Variants in TAS1R2 observed in about 807,000 individuals in gnomAD.
TAS1R2 encodes the protein taste 1 receptor member 2, also known as taste receptor type 1 member 2.
A neutral mutation model predicts 49.3 loss-of-function variants in TAS1R2; 47 were observed. The ratio of observed to expected loss-of-function variants is 0.95; its 90% CI spans 0.75 to 1.22. The LOEUF (loss-of-function observed/expected upper bound fraction) is 1.22, where lower values mean the gene tolerates loss of function less well. Among genes scored for constraint, TAS1R2 ranks in the 50% most tolerant of loss-of-function variants. The pLI is 0.00. For synonymous variants in TAS1R2, 479 were observed against 467.9 expected (o/e 1.02, Z -0.31); for missense variants, 1,155 against 1,122.1 (o/e 1.03, Z -0.42).
chr1:18,851,624 C>T lies in TAS1R2; in HGVS notation c.1258-2074G>A, dbSNP rs562518129. ...GATTACAGGTGTGAGCCACCGCACC[C>T]GGCCAACCTGCTGAACAGTTTTGCT... On this transcript the variant is annotated intron_variant, in intron 3 of 5. Coordinates refer to ENST00000375371, the Ensembl canonical transcript of TAS1R2. Among the ~76,000 whole-genome samples, 103 of 152,280 alleles carry T rather than the reference C, an allele frequency of 6.8e-4. 1 individual carries two copies. In the South Asian group the frequency reaches 7.0e-3, roughly 10 times the overall value.
At chr1:18,857,552 G>A (rs764869881) in exon 2 of TAS1R2, 13 of 1,614,222 alleles carry the variant, frequency 8.1e-6, no homozygotes, top group Non-Finnish European at 1.1e-5. Context: ...CCAGGCAGCA[G>A]GCTGCTGTCA....
chr1:18,854,967 C>A lies in TAS1R2; in HGVS notation c.503G>T (p.Ser168Ile), dbSNP rs747782391. 6.2e-7 allele frequency: 1 copy of A among 1,606,188 alleles called. No individual in the cohort carries two copies. Among genetic ancestry groups the A allele is most frequent in the East Asian group, 2.2e-5 (1 of 44,624 alleles). Reference sequence around the variant, plus strand: ...GCGCACCTTGTCTCGCAGCTCATCGCTGATGGCGCTGTAGGTGATCTGCAA... The same window carrying A: ...GCGCACCTTGTCTCGCAGCTCATCGATGATGGCGCTGTAGGTGATCTGCAA... The change falls in exon 3 of 6, where the codon AGC becomes ATC. Residue 168 changes from serine to isoleucine, a missense_variant. Transcript: ENST00000375371. This position sits in a 1 kb window ranked among gnomAD's most constrained non-coding sequence, Gnocchi z 4.9.
At chr1:18,841,058 T>C (rs1052298511) in intron 5 of TAS1R2, among the ~76,000 whole-genome samples, 1 of 152,262 alleles carries the variant, frequency 6.6e-6, no homozygotes, top group East Asian at 1.9e-4. Context: ...CTCTGTGTCC[T>C]GTGCTCTGCT....
In TAS1R2 at chr1:18,854,455, G is replaced by T; in HGVS notation, c.1015C>A (p.Arg339Ser). The change falls in exon 3 of 6, where the codon CGC becomes AGC. Residue 339 changes from arginine to serine, a missense_variant. By Grantham distance (110) the Arg-to-Ser change is moderately radical. Transcript: ENST00000375371. This position sits in a 1 kb window ranked among gnomAD's most constrained non-coding sequence, Gnocchi z 4.9. ...GGCCCAGCCTGTGGGCCCCACTCGC[G>T]GAACTCACTGAAGCCCGGGATGGGC... is the stretch of plus-strand genomic sequence containing the variant. 6.2e-7 allele frequency: 1 copy of T among 1,614,174 alleles called. No homozygotes were observed. The highest frequency in any genetic ancestry group is 8.5e-7 in the Non-Finnish European group (1 of 1,180,020).
chr1:18,858,127 T>TCAC (rs1299089571), intron 1 of TAS1R2, among the ~76,000 whole-genome samples: 1 of 150,776 alleles, frequency 6.6e-6, no homozygotes, highest in Non-Finnish European at 1.5e-5. Flanking sequence ...ATTTCCACCA[T>TCAC]CACCACCACC....
exon 6 of TAS1R2, chr1:18,839,706 G>A (rs1353521148): frequency 6.2e-7 from 1 of 1,614,254 alleles, no homozygotes; most frequent in South Asian, 1.1e-5. Flanking sequence ...AAGTAGCCCA[G>A]GCTGATGGCC....
intron 4 of TAS1R2, among the ~76,000 whole-genome samples, chr1:18,843,870 A>G (rs953107693): frequency 6.6e-6 from 1 of 152,256 alleles, no homozygotes; most frequent in Non-Finnish European, 1.5e-5. Context: ...ACAAGTCTTC[A>G]TATAAGGGAA....
In TAS1R2 at chr1:18,854,469, C is replaced by T; in HGVS notation, c.1001G>A (p.Gly334Asp). 1.9e-6 allele frequency: 3 copies of T among 1,614,152 alleles called. No individual in the cohort carries two copies. Among genetic ancestry groups the T allele is most frequent in the Non-Finnish European group, 2.5e-6 (3 of 1,180,028 alleles). Residue 334 changes from glycine (G) to aspartate (D), a missense_variant, in exon 3 of 6, where the codon GGC (glycine) becomes GAC (aspartate). Transcript: ENST00000375371. This position sits in a 1 kb window ranked among gnomAD's most constrained non-coding sequence, Gnocchi z 4.9. ...GCCCCACTCGCGGAACTCACTGAAG[C>T]CCGGGATGGGCACGCTCTGGATGGT...
intron 4 of TAS1R2, among the ~76,000 whole-genome samples, chr1:18,846,458 T>C (rs1225304775): frequency 6.6e-6 from 1 of 152,214 alleles, no homozygotes; most frequent in Non-Finnish European, 1.5e-5. Flanking sequence ...TTCCTGTCCA[T>C]GTATCATGTC....
At position 18,854,304 on chromosome 1, in the gene TAS1R2, T is replaced by C; in HGVS notation, c.1166A>G (p.Tyr389Cys). The C allele has an allele frequency of 6.2e-7, 1 of 1,613,952 alleles. No individual in the cohort carries two copies. The highest frequency in any genetic ancestry group is 8.5e-7 in the Non-Finnish European group (1 of 1,179,974). The stretch of plus-strand genomic sequence containing the variant: ...ATGGGCCACAGCATAGACCGCAGAG[T>C]ACACGCTGTAGACGACACGCTCCCC... The change falls in exon 3 of 6, where the codon TAC (tyrosine) becomes TGC (cysteine). Residue 389 changes from tyrosine to cysteine, a missense_variant. Tyr to Cys is a radical substitution (Grantham distance 194, BLOSUM62 -2). Transcript: ENST00000375371. This position sits in a 1 kb window ranked among gnomAD's most constrained non-coding sequence, Gnocchi z 4.9.
Position 18,849,396 on chromosome 1 carries a change from AG to A in TAS1R2, c.1411del (p.Leu471CysfsTer5), listed in dbSNP as rs2100515029. On this transcript the variant is annotated frameshift_variant, in exon 4 of 6. Transcript: ENST00000375371. LOFTEE classifies it high-confidence loss of function. ...TTGGATGTTCTTCAGCTGTCGCTGC[AG>A]GGGGTAGTAGGAGGCGACGCTCTGG... 1 of 1,614,182 alleles carries A rather than the reference AG, an allele frequency of 6.2e-7. No individual in the cohort carries two copies. The highest frequency in any genetic ancestry group is 8.5e-7 in the Non-Finnish European group (1 of 1,180,024).
At chr1:18,848,697 AG>A (rs1269794243) in intron 4 of TAS1R2, among the ~76,000 whole-genome samples, 3 of 152,168 alleles carry the variant, frequency 2.0e-5, no homozygotes, top group Admixed American at 2.0e-4. Flanking sequence ...AGATTCTCAT[AG>A]GAGCACAAAC....
At chr1:18,846,860 A>C (rs28582121) in intron 4 of TAS1R2, among the ~76,000 whole-genome samples, 3 of 151,842 alleles carry the variant, frequency 2.0e-5, no homozygotes, top group African/African-American at 2.4e-5. Flanking sequence ...TGATTGGATC[A>C]TGGGGATAGA....
intron 1 of TAS1R2, 109 bp downstream of exon 1, chr1:18,859,370 G>A (rs559715245): frequency 9.9e-6 from 13 of 1,307,888 alleles, no homozygotes; most frequent in Middle Eastern, 2.7e-4. Flanking sequence ...GAATGGGGAG[G>A]AGTGCTTTAA....
In TAS1R2 at chr1:18,854,276, G is replaced by A. The variant is rs1378177676; in HGVS notation, c.1194C>T (p.Ala398=). Residue 398 remains alanine (A), a synonymous_variant, in exon 3 of 6, where the codon GCC becomes GCT. Transcript: ENST00000375371. The surrounding 1 kb of genome is among the most constrained non-coding windows in gnomAD (Gnocchi z 4.9). ...TGTCACAGCCGAGGAGGCTGTGCAGGGCATGGGCCACAGCATAGACCGCAG... is the reference window on the plus strand; with the variant it reads ...TGTCACAGCCGAGGAGGCTGTGCAGAGCATGGGCCACAGCATAGACCGCAG... The A allele has an allele frequency of 1.2e-6, 2 of 1,614,084 alleles. No individual in the cohort carries two copies. Among genetic ancestry groups the A allele is most frequent in the Non-Finnish European group, 1.7e-6 (2 of 1,180,046 alleles).
intron 1 of TAS1R2, among the ~76,000 whole-genome samples, chr1:18,859,081 C>T (rs1360733988): frequency 2.6e-5 from 4 of 152,186 alleles, no homozygotes; most frequent in African/African-American, 9.7e-5. Flanking sequence ...GAACCTGCTA[C>T]AGAAAAATCA....
At position 18,854,548 on chromosome 1, in the gene TAS1R2, G is replaced by A. The variant is rs766628391; in HGVS notation, c.922C>T (p.Pro308Ser). 2 of 1,613,568 alleles carry A rather than the reference G, an allele frequency of 1.2e-6. No homozygotes were observed. Among genetic ancestry groups the A allele is most frequent in the Non-Finnish European group, 1.7e-6 (2 of 1,179,812 alleles). ...AGCTCCGTGAGGTTGTGCAGGACCG[G>A]GTCGATGGCCCAGGACTCGGAGGCG... The change falls in exon 3 of 6, where the codon CCG (proline) becomes TCG (serine). Residue 308 changes from proline (P) to serine (S), a missense_variant. Pro to Ser is a moderately conservative substitution (Grantham distance 74, BLOSUM62 -1). Coordinates refer to ENST00000375371, the Ensembl canonical transcript of TAS1R2. The surrounding 1 kb of genome is among the most constrained non-coding windows in gnomAD (Gnocchi z 4.9).
At position 18,857,314 on chromosome 1, in the gene TAS1R2, G is replaced by A. The variant is rs1377597254; in HGVS notation, c.483+17C>T. 6.2e-7 allele frequency: 1 copy of A among 1,606,728 alleles called. No homozygotes were observed. The highest frequency in any genetic ancestry group is 2.2e-5 in the East Asian group (1 of 44,716). On this transcript the variant is annotated intron_variant, in intron 2 of 5. Coordinates refer to ENST00000375371, the Ensembl canonical transcript of TAS1R2. The stretch of plus-strand genomic sequence containing the variant: ...GCCCCCCTCCCCAGGTCCTTCTCCA[G>A]GGCCCAGGGGCCTCACCTGTGGAAG...
At chr1:18,841,488 G>A (rs926107013) in intron 5 of TAS1R2, among the ~76,000 whole-genome samples, 13 of 152,212 alleles carry the variant, frequency 8.5e-5, no homozygotes, top group African/African-American at 3.1e-4. Context: ...TCCAGCGTGG[G>A]GGAGTGTCGT....
Sources: allele counts gnomAD v4.1 joint callset (sites outside exome capture counted in the v4.1 genomes callset), GRCh38; gene constraint gnomAD v4.1.1; non-coding constraint Gnocchi (gnomAD v3.1); transcripts MANE v1.5; gene names NCBI Gene and HGNC (gene_info 2026-07-23, HGNC 2026-07-21).